The following ZNF277 variants were observed in gnomAD, a reference collection of about 807,000 sequenced individuals.
ZNF277 encodes zinc finger protein 277.
A neutral mutation model predicts 60.7 loss-of-function variants in ZNF277; 55 were observed. The ratio of observed to expected loss-of-function variants is 0.91; its 90% CI spans 0.73 to 1.13. The LOEUF is 1.13. ZNF277 is among the 50% of genes most tolerant of loss of function. The probability of loss-of-function intolerance (pLI) is 0.00; values close to 1 mark genes in which losing one functional copy is unlikely to be tolerated. For missense variants in ZNF277, 510 were observed against 523.0 expected, an observed-to-expected ratio of 0.98 and a Z score of 0.24; for synonymous variants, 178 against 179.3, an observed-to-expected ratio of 0.99 and a Z score of 0.06.
intron 1 of ZNF277, among the ~76,000 whole-genome samples, chr7:112,280,399 G>C (rs999543415): frequency 1.3e-5 from 2 of 152,110 alleles, no homozygotes; most frequent in Non-Finnish European, 2.9e-5. Flanking sequence ...CCTTGGAATG[G>C]TGTTTTTTTA....
intron 4 of ZNF277, among the ~76,000 whole-genome samples, chr7:112,308,904 T>C (rs1792659692): frequency 6.6e-6 from 1 of 151,956 alleles, no homozygotes. Context: ...AAATGGATAG[T>C]TGTGGGGAAG....
intron 1 of ZNF277, among the ~76,000 whole-genome samples, chr7:112,223,801 A>G (rs1203547835): frequency 6.6e-6 from 1 of 152,176 alleles, no homozygotes; most frequent in African/African-American, 2.4e-5. Flanking sequence ...TAAACTAGGT[A>G]TTACAGACAA....
At chr7:112,321,599 G>A (rs971887532) in intron 5 of ZNF277, among the ~76,000 whole-genome samples, 1 of 151,998 alleles carries the variant, frequency 6.6e-6, no homozygotes, top group African/African-American at 2.4e-5. Context: ...ATTGTCTAGT[G>A]TCCCTTTCTT....
At chr7:112,325,510 C>T (rs140602948) in intron 5 of ZNF277, among the ~76,000 whole-genome samples, 2 of 152,298 alleles carry the variant, frequency 1.3e-5, no homozygotes, top group African/African-American at 4.8e-5. Flanking sequence ...GCCAGGGTAG[C>T]CTCCCAACAC....
chr7:112,297,823 A>G (rs1303187231), intron 4 of ZNF277, among the ~76,000 whole-genome samples: 3 of 152,208 alleles, frequency 2.0e-5, no homozygotes, highest in Admixed American at 2.0e-4. Flanking sequence ...TCATGATCCT[A>G]GTAGTCCTAA....
At chr7:112,310,971 A>C (rs1222433877) in intron 4 of ZNF277, among the ~76,000 whole-genome samples, 2 of 152,098 alleles carry the variant, frequency 1.3e-5, no homozygotes, top group Non-Finnish European at 2.9e-5. Context: ...AATAACATCC[A>C]TCTTGGTTTT....
At position 112,343,438 on chromosome 7, in the gene ZNF277, A is replaced by G. The variant is rs1793482137; in HGVS notation, c.*709A>G. 6.6e-6 allele frequency among the ~76,000 whole-genome samples: 1 copy of G among 152,216 alleles called. No homozygotes were observed. Among genetic ancestry groups the G allele is most frequent in the Admixed American group, 6.5e-5 (1 of 15,280 alleles). ...ACAATACCATTATGACACCTAAAAAACATTAACATTAACTTAATATCATCT... is the reference window on the plus strand; with the variant it reads ...ACAATACCATTATGACACCTAAAAAGCATTAACATTAACTTAATATCATCT... On this transcript the variant is annotated 3_prime_UTR_variant, in exon 12 of 12. Transcript: ENST00000361822.
chr7:112,232,388 T>A (rs1822363618), intron 1 of ZNF277, among the ~76,000 whole-genome samples: 1 of 152,190 alleles, frequency 6.6e-6, no homozygotes, highest in Non-Finnish European at 1.5e-5. Context: ...ATGTGGTTTA[T>A]GTCCTCTCCA....
At chr7:112,218,124 T>C (rs530044010) in intron 1 of ZNF277, among the ~76,000 whole-genome samples, 23 of 152,338 alleles carry the variant, frequency 1.5e-4, no homozygotes, top group Admixed American at 1.2e-3. Context: ...AAACTCTTTC[T>C]CCATTTCAGT....
At chr7:112,235,576 TA>T (rs1822466634) in intron 1 of ZNF277, among the ~76,000 whole-genome samples, 1 of 152,090 alleles carries the variant, frequency 6.6e-6, no homozygotes, top group African/African-American at 2.4e-5. Flanking sequence ...AATGTCTATT[TA>T]AATCCTGTAC....
At chr7:112,325,551 G>T (rs182802780) in intron 5 of ZNF277, among the ~76,000 whole-genome samples, 1 of 152,276 alleles carries the variant, frequency 6.6e-6, no homozygotes, top group East Asian at 1.9e-4. Context: ...CTGCTTGTTA[G>T]CCCTCGTTCC....
At chr7:112,233,368 A>G (rs998561958) in intron 1 of ZNF277, among the ~76,000 whole-genome samples, 17 of 152,190 alleles carry the variant, frequency 1.1e-4, no homozygotes, top group African/African-American at 3.9e-4. Flanking sequence ...GGCCAGTGCT[A>G]CATTGGCTTT....
chr7:112,282,640 C>G (rs140989403), intron 1 of ZNF277, among the ~76,000 whole-genome samples: 251 of 152,348 alleles, frequency 1.6e-3, no homozygotes, highest in African/African-American at 5.6e-3. Context: ...AGCCCTCAGG[C>G]TTAGACACTG....
intron 10 of ZNF277, 34 bp from the exon 11 acceptor site, chr7:112,340,838 G>T (rs755328575): frequency 1.3e-6 from 2 of 1,598,260 alleles, no homozygotes; most frequent in Non-Finnish European, 8.5e-7. Flanking sequence ...GGTCTGAACA[G>T]TTGTCTAATG....
chr7:112,266,537 A>G (rs1458966076), intron 1 of ZNF277, among the ~76,000 whole-genome samples: 1 of 151,952 alleles, frequency 6.6e-6, no homozygotes, highest in Middle Eastern at 3.2e-3. Flanking sequence ...TATAAATTCA[A>G]ATATCAAAAA....
chr7:112,246,314 A>G (rs1056032380), intron 1 of ZNF277, among the ~76,000 whole-genome samples: 1 of 152,134 alleles, frequency 6.6e-6, no homozygotes, highest in Non-Finnish European at 1.5e-5. Context: ...CAATCATTTG[A>G]GCCTAGGAGG....
intron 6 of ZNF277, 103 bp from the exon 7 acceptor site, chr7:112,329,981 T>C: frequency 3.8e-6 from 5 of 1,304,126 alleles, no homozygotes; most frequent in Non-Finnish European, 5.2e-6. Flanking sequence ...TTGAAGATGC[T>C]GTGTAACCTA....
intron 1 of ZNF277, among the ~76,000 whole-genome samples, chr7:112,220,039 G>A (rs989236766): frequency 1.3e-5 from 2 of 152,098 alleles, no homozygotes; most frequent in African/African-American, 4.8e-5. Context: ...GCTATTCCTG[G>A]TATTCTGTGG....
At chr7:112,337,702 G>C (rs375287546) in intron 8 of ZNF277, 28 bp from the exon 9 acceptor site, 7 of 1,590,054 alleles carry the variant, frequency 4.4e-6, no homozygotes, top group Non-Finnish European at 6.0e-6. Context: ...GGGAATCTCC[G>C]TATTTTCTCT....
Sources: gnomAD v4.1 joint callset for allele counts (sites outside exome capture counted in the v4.1 genomes callset) on GRCh38, gnomAD v4.1.1 for gene constraint, MANE v1.5 for transcripts, NCBI Gene and HGNC (gene_info 2026-07-23, HGNC 2026-07-21) for gene names.